NTRK2: variants seen among roughly 807,000 people sequenced by gnomAD.
The protein encoded by NTRK2 is neurotrophic receptor tyrosine kinase 2.
In NTRK2, 13 loss-of-function variants were observed where a neutral mutation model predicts 94.5. That is an observed-to-expected ratio of 0.14 (90% confidence interval 0.09 to 0.22). NTRK2 has a LOEUF of 0.22. Among genes scored for constraint, NTRK2 ranks in the 10% least tolerant of loss-of-function variants. The probability of loss-of-function intolerance (pLI) is 1.00; values close to 1 mark genes in which losing one functional copy is unlikely to be tolerated. For synonymous variants in NTRK2, 372 were observed against 407.4 expected (o/e 0.91, Z 1.05); for missense variants, 639 against 1,071.2 (o/e 0.60, Z 5.63).
intron 17 of NTRK2, among the ~76,000 whole-genome samples, chr9:84,985,403 C>T (rs1313570512): frequency 1.4e-4 from 22 of 152,104 alleles, no homozygotes; most frequent in Admixed American, 1.3e-3. Flanking sequence ...GTTCCACTGT[C>T]AAGGAAAAAA....
At position 84,745,054 on chromosome 9, in the gene NTRK2, C is replaced by T. The variant is rs2063946306; in HGVS notation, c.1277C>T (p.Thr426Ile). The T allele has an allele frequency of 6.2e-7, 1 of 1,613,336 alleles. No homozygotes were observed. ...EIPSTDVTDK[T>I]GREHLSVYAV... ...CCTTCCACAGACGTCACTGATAAAA[C>T]CGGTCGGGAACATCTCTCGGTGAGT... The change falls in exon 11 of 19, where the codon ACC becomes ATC. Residue 426 changes from threonine to isoleucine, a missense_variant. Around this residue, in one of 5 missense-constraint regions of NTRK2, gnomAD observed 343 missense variants for 571.5 expected, o/e 0.60. Transcript: ENST00000277120.
At chr9:84,705,397 CAGTA>C (rs1373932222) in intron 4 of NTRK2, among the ~76,000 whole-genome samples, 1 of 152,178 alleles carries the variant, frequency 6.6e-6, no homozygotes, top group African/African-American at 2.4e-5. Flanking sequence ...TATAATCAAA[CAGTA>C]AGAGGATTGT....
chr9:84,856,225 CT>C (rs2131941521), intron 12 of NTRK2, among the ~76,000 whole-genome samples: 1 of 152,256 alleles, frequency 6.6e-6, no homozygotes, highest in African/African-American at 2.4e-5. Flanking sequence ...ATACAATACC[CT>C]TTGTGTCATG....
Position 84,884,902 on chromosome 9 carries a change from A to G in NTRK2, c.1633+17471A>G, listed in dbSNP as rs185939169. 5.9e-5 allele frequency among the ~76,000 whole-genome samples: 9 copies of G among 152,280 alleles called. 1 individual carries two copies. Among genetic ancestry groups the G allele is most frequent in the African/African-American group, 2.2e-4 (9 of 41,560 alleles). ...AACCAGGGTTTTTTGCAACCACACT[A>G]TTATTTGCATTTCTGAGAATCAATG... On this transcript the variant is annotated intron_variant, in intron 14 of 18. Transcript: ENST00000277120.
At chr9:84,924,581 T>G (rs1344554171) in intron 14 of NTRK2, among the ~76,000 whole-genome samples, 1 of 152,216 alleles carries the variant, frequency 6.6e-6, no homozygotes, top group Non-Finnish European at 1.5e-5. Flanking sequence ...AGATATAATT[T>G]TGGCTGTTCG....
chr9:84,973,146 CAGAGA>C (rs965634421), intron 17 of NTRK2, among the ~76,000 whole-genome samples: 19 of 152,192 alleles, frequency 1.2e-4, no homozygotes, highest in Admixed American at 6.5e-4. Context: ...CTCCATGTCA[CAGAGA>C]AGAGAATGTT....
chr9:85,017,721 TA>T (rs1832385243), intron 17 of NTRK2, among the ~76,000 whole-genome samples: 1 of 152,186 alleles, frequency 6.6e-6, no homozygotes. Flanking sequence ...CTGGGGTTGT[TA>T]AAATAACACA....
intron 12 of NTRK2, among the ~76,000 whole-genome samples, chr9:84,793,086 GGT>G (rs1482856458): frequency 6.6e-6 from 1 of 152,106 alleles, no homozygotes; most frequent in Non-Finnish European, 1.5e-5. Context: ...AGATGCAACT[GGT>G]GTGTACGTGT....
intron 17 of NTRK2, among the ~76,000 whole-genome samples, chr9:84,965,107 C>T (rs1825400637): frequency 6.6e-6 from 1 of 152,120 alleles, no homozygotes; most frequent in East Asian, 1.9e-4. Context: ...CTACTTGTTA[C>T]CTTTGAGAGA....
chr9:84,795,092 T>C (rs940847702), intron 12 of NTRK2, among the ~76,000 whole-genome samples: 2 of 152,192 alleles, frequency 1.3e-5, no homozygotes, highest in South Asian at 4.2e-4. Flanking sequence ...GGTGAATTGG[T>C]CAAAACTGGG....
chr9:85,004,047 G>GAAAAGAAAGAAAGAAAGAA (rs1564542231), intron 17 of NTRK2, among the ~76,000 whole-genome samples: 1 of 39,784 alleles, frequency 2.5e-5, no homozygotes, highest in Admixed American at 2.7e-4. Context: ...GAAAGAAAGG[G>GAAAAGAAAGAAAGAAAGAA]AGAAAGAGAA....
intron 12 of NTRK2, chr9:84,813,249 C>T: frequency 9.6e-7 from 1 of 1,046,544 alleles, no homozygotes; most frequent in Non-Finnish European, 1.2e-6. Flanking sequence ...GGGCCACTGT[C>T]CCCAGCCGCA....
intron 17 of NTRK2, among the ~76,000 whole-genome samples, chr9:84,978,979 GAA>G (rs1346574719): frequency 6.6e-6 from 1 of 152,236 alleles, no homozygotes; most frequent in African/African-American, 2.4e-5. Flanking sequence ...ATGCTGCCTG[GAA>G]AAAAAGATTC....
intron 14 of NTRK2, among the ~76,000 whole-genome samples, chr9:84,870,478 A>G (rs909024204): frequency 2.7e-5 from 4 of 150,072 alleles, no homozygotes; most frequent in Non-Finnish European, 5.9e-5. Flanking sequence ...CTAGGACTCT[A>G]GGTACACACC....
At chr9:84,810,012 G>C (rs2071591368) in intron 12 of NTRK2, among the ~76,000 whole-genome samples, 1 of 152,080 alleles carries the variant, frequency 6.6e-6, no homozygotes, top group Middle Eastern at 3.4e-3. Flanking sequence ...TTTTAGAAAA[G>C]ATTTGCTAAA....
At chr9:84,760,843 CT>C (rs1396313786) in intron 12 of NTRK2, among the ~76,000 whole-genome samples, 1 of 152,120 alleles carries the variant, frequency 6.6e-6, no homozygotes. Flanking sequence ...ATGTGTTTCC[CT>C]TTTGTACAGA....
At chr9:85,005,820 A>T (rs1830902308) in intron 17 of NTRK2, among the ~76,000 whole-genome samples, 1 of 152,172 alleles carries the variant, frequency 6.6e-6, no homozygotes, top group Admixed American at 6.5e-5. Flanking sequence ...GCCTTGACTG[A>T]CCTACCTTTC....
chr9:84,883,014 G>T (rs898480186), intron 14 of NTRK2, among the ~76,000 whole-genome samples: 5 of 152,074 alleles, frequency 3.3e-5, no homozygotes, highest in Middle Eastern at 3.2e-3. Flanking sequence ...TGATCTGCCC[G>T]CCTCAGCCTC....
At chr9:84,732,645 C>T (rs2062970953) in intron 9 of NTRK2, among the ~76,000 whole-genome samples, 1 of 152,174 alleles carries the variant, frequency 6.6e-6, no homozygotes, top group Non-Finnish European at 1.5e-5. Context: ...AGTCTCCTGT[C>T]CTCCCCAAGT....
Sources: allele counts gnomAD v4.1 joint callset (sites outside exome capture counted in the v4.1 genomes callset), GRCh38; gene constraint gnomAD v4.1.1; regional missense constraint gnomAD v4.1.1; transcripts MANE v1.5; gene names NCBI Gene and HGNC (gene_info 2026-07-23, HGNC 2026-07-21).